The following CACNB2 variants were observed in gnomAD, a reference collection of about 807,000 sequenced individuals.
CACNB2 encodes calcium voltage-gated channel auxiliary subunit beta 2.
CACNB2 carries 42 observed loss-of-function variants against 73.3 expected under a neutral mutation model. The ratio of observed to expected loss-of-function variants is 0.57; its 90% CI spans 0.45 to 0.74. The LOEUF (loss-of-function observed/expected upper bound fraction) is 0.74, where lower values mean the gene tolerates loss of function less well. Ranked by LOEUF, CACNB2 falls within the 30% of genes least tolerant of loss-of-function variation. The probability of loss-of-function intolerance (pLI) is 0.00; values close to 1 mark genes in which losing one functional copy is unlikely to be tolerated. For synonymous variants in CACNB2, 348 were observed against 310.3 expected (o/e 1.12, Z -1.28); for missense variants, 940 against 853.0 (o/e 1.10, Z -1.27).
rs150121554 is a variant in CACNB2 at position 18,367,611 on chromosome 10, T to C, written c.214-34313T>C. On this transcript the variant is annotated intron_variant, in intron 2 of 13. Coordinates refer to ENST00000324631, the MANE Select transcript of CACNB2 (RefSeq NM_201596.3). ...TAAAAAAGTATTTAAATTAAGAGTA[T>C]ATAACTAATTAGGATTCTGTATTGT... 2.6e-3 allele frequency among the ~76,000 whole-genome samples: 398 copies of C among 152,274 alleles called. 2 individuals carry two copies. The highest frequency in any genetic ancestry group is 9.0e-3 in the African/African-American group (375 of 41,574).
chr10:18,332,720 C>T (rs2040851586), intron 2 of CACNB2, among the ~76,000 whole-genome samples: 1 of 152,226 alleles, frequency 6.6e-6, no homozygotes, highest in East Asian at 1.9e-4. Context: ...TCCCTAGTCC[C>T]TAGCACAACT....
intron 3 of CACNB2, among the ~76,000 whole-genome samples, chr10:18,472,709 A>T (rs191942588): frequency 6.6e-6 from 1 of 152,282 alleles, no homozygotes; most frequent in Non-Finnish European, 1.5e-5. Flanking sequence ...ACATCTCCTT[A>T]ATAAACGTAT....
intron 2 of CACNB2, among the ~76,000 whole-genome samples, chr10:18,171,317 A>G (rs2033209470): frequency 1.3e-5 from 2 of 152,106 alleles, no homozygotes; most frequent in Non-Finnish European, 2.9e-5. Context: ...TCCCATTTCA[A>G]AGTTGCATAG....
intron 2 of CACNB2, among the ~76,000 whole-genome samples, chr10:18,392,413 T>C (rs1016745152): frequency 3.3e-5 from 5 of 152,156 alleles, no homozygotes; most frequent in African/African-American, 4.8e-5. Flanking sequence ...GATGTAGCCT[T>C]AGAGACATCA....
intron 5 of CACNB2, among the ~76,000 whole-genome samples, chr10:18,502,961 TAAAA>T (rs1169790917): frequency 6.6e-6 from 1 of 151,404 alleles, no homozygotes; most frequent in African/African-American, 2.4e-5. Flanking sequence ...AAACTAAAAG[TAAAA>T]AAAGAAAAAA....
chr10:18,170,088 G>T (rs560038241), intron 2 of CACNB2, among the ~76,000 whole-genome samples: 15 of 152,328 alleles, frequency 9.8e-5, no homozygotes, highest in African/African-American at 3.6e-4. Flanking sequence ...ATGATGGCAT[G>T]TCCATGAACT....
chr10:18,428,237 G>A (rs2045704813), intron 3 of CACNB2, among the ~76,000 whole-genome samples: 1 of 151,978 alleles, frequency 6.6e-6, no homozygotes, highest in South Asian at 2.1e-4. Flanking sequence ...AGTTTAGTGG[G>A]ACAATATTTA....
At position 18,539,035 on chromosome 10, in the gene CACNB2, A is replaced by G. The variant is rs11597316; in HGVS notation, c.1489-195A>G. 5.7e-3 allele frequency among the ~76,000 whole-genome samples: 871 copies of G among 152,162 alleles called. 4 individuals carry two copies. Among genetic ancestry groups the G allele is most frequent in the Non-Finnish European group, 9.1e-3 (622 of 67,984 alleles). ...ATGGGCACTGTTCTAGGCACTTACA[A>G]AAGTCCAATTTAATATAGTATAGTA... On this transcript the variant is annotated intron_variant, in intron 13 of 13. Transcript: ENST00000324631.
intron 2 of CACNB2, among the ~76,000 whole-genome samples, chr10:18,314,304 T>C (rs934758341): frequency 6.6e-6 from 1 of 152,216 alleles, no homozygotes; most frequent in Non-Finnish European, 1.5e-5. Context: ...CTAATTAATA[T>C]TTTTATTGTT....
intron 3 of CACNB2, among the ~76,000 whole-genome samples, chr10:18,417,530 G>A (rs1216900989): frequency 3.3e-5 from 5 of 151,620 alleles, no homozygotes; most frequent in South Asian, 2.1e-4. Flanking sequence ...CACCACACCC[G>A]GCTAATTTTT....
At chr10:18,336,750 G>A (rs990926683) in intron 2 of CACNB2, among the ~76,000 whole-genome samples, 1 of 152,176 alleles carries the variant, frequency 6.6e-6, no homozygotes, top group Non-Finnish European at 1.5e-5. Context: ...CTTTTGACAA[G>A]TTAAAGTCTA....
intron 2 of CACNB2, among the ~76,000 whole-genome samples, chr10:18,362,078 C>T (rs1212451592): frequency 1.3e-5 from 2 of 152,176 alleles, no homozygotes; most frequent in Non-Finnish European, 2.9e-5. Flanking sequence ...ATCCTCCTGC[C>T]TCAGCTTCCC....
At chr10:18,173,248 A>G (rs2131164771) in intron 2 of CACNB2, among the ~76,000 whole-genome samples, 1 of 152,340 alleles carries the variant, frequency 6.6e-6, no homozygotes, top group Non-Finnish European at 1.5e-5. Flanking sequence ...AGCTATTTTG[A>G]GAAATGAAAG....
At chr10:18,480,398 G>A (rs1393660483) in intron 3 of CACNB2, among the ~76,000 whole-genome samples, 1 of 152,098 alleles carries the variant, frequency 6.6e-6, no homozygotes, top group East Asian at 1.9e-4. Context: ...ATAGTTATCT[G>A]TGGTAAGTAC....
chr10:18,406,692 A>G (rs1007109361), intron 3 of CACNB2, among the ~76,000 whole-genome samples: 2 of 152,208 alleles, frequency 1.3e-5, no homozygotes, highest in Non-Finnish European at 2.9e-5. Context: ...ATATACTACA[A>G]TGTAATAATA....
chr10:18,320,786 A>C (rs1380335803), intron 2 of CACNB2, among the ~76,000 whole-genome samples: 1 of 152,224 alleles, frequency 6.6e-6, no homozygotes, highest in Non-Finnish European at 1.5e-5. Context: ...ATGGGCTGAA[A>C]AAGAATATAC....
intron 2 of CACNB2, among the ~76,000 whole-genome samples, chr10:18,290,340 A>T (rs546670526): frequency 6.6e-6 from 1 of 151,376 alleles, no homozygotes; most frequent in South Asian, 2.1e-4. Context: ...TTTTCTTTAA[A>T]GTGTTTATGT....
chr10:18,340,679 T>C (rs1401696852), intron 2 of CACNB2: 1 of 1,395,234 alleles, frequency 7.2e-7, no homozygotes, highest in East Asian at 2.7e-5. Context: ...CTTGCGTTTG[T>C]TAATTGACTT....
rs139115903 is a variant in CACNB2 at position 18,315,805 on chromosome 10, A to G, written c.214-86119A>G. 5.6e-4 allele frequency among the ~76,000 whole-genome samples: 86 copies of G among 152,296 alleles called. 2 individuals carry two copies. In the South Asian group the frequency reaches 1.0e-2, roughly 18 times the overall value. On this transcript the variant is annotated intron_variant, in intron 2 of 13. Coordinates refer to ENST00000324631, the MANE Select transcript of CACNB2 (RefSeq NM_201596.3). ...AAGTTCTGATGTGTAGCGCTTTCCA[A>G]TTTCCATGGTATAAATACTCCCACC... is the stretch of plus-strand genomic sequence containing the variant.
Sources: gnomAD v4.1 joint callset for allele counts (sites outside exome capture counted in the v4.1 genomes callset) on GRCh38, gnomAD v4.1.1 for gene constraint, MANE v1.5 for transcripts, NCBI Gene and HGNC (gene_info 2026-07-23, HGNC 2026-07-21) for gene names.